The following L3MBTL4 variants were observed in gnomAD, a reference collection of about 807,000 sequenced individuals.
L3MBTL4 encodes the protein lethal(3)malignant brain tumor-like protein 4.
Under a neutral mutation model 84.5 loss-of-function variants are expected in L3MBTL4, and 70 were observed. The ratio of observed to expected loss-of-function variants is 0.83; its 90% CI spans 0.68 to 1.01. The LOEUF is 1.01. L3MBTL4 is among the 50% of genes least tolerant of loss of function. L3MBTL4 has a pLI of 0.00. For synonymous variants in L3MBTL4, 274 were observed against 259.8 expected (o/e 1.05, Z -0.52); for missense variants, 715 against 754.8 (o/e 0.95, Z 0.62).
intron 13 of L3MBTL4, among the ~76,000 whole-genome samples, chr18:6,166,795 A>G (rs2043684250): frequency 6.6e-6 from 1 of 152,210 alleles, no homozygotes; most frequent in Non-Finnish European, 1.5e-5. Flanking sequence ...AAACACATTC[A>G]AAAGCTAGCA....
At chr18:6,359,211 G>A (rs189065349) in intron 1 of L3MBTL4, among the ~76,000 whole-genome samples, 34 of 152,300 alleles carry the variant, frequency 2.2e-4, no homozygotes, top group African/African-American at 6.0e-4. Context: ...TGTAATCTCA[G>A]CACTTTGGGA....
chr18:6,094,306 T>C lies in L3MBTL4; in HGVS notation c.1200-778A>G, dbSNP rs1377467149. Among the ~76,000 whole-genome samples, 4 of 152,170 alleles carry C rather than the reference T, an allele frequency of 2.6e-5. No individual in the cohort carries two copies. The East Asian group carries it at 7.7e-4, about 29-fold the overall frequency. On this transcript the variant is annotated intron_variant, in intron 14 of 18. Transcript: ENST00000317931. Reference sequence around the variant, plus strand: ...GCCGCTGCTAGAAATGAGGTTGCTATACCAGGGAAGACACACCCAAGACAG... The same window carrying C: ...GCCGCTGCTAGAAATGAGGTTGCTACACCAGGGAAGACACACCCAAGACAG...
intron 5 of L3MBTL4, among the ~76,000 whole-genome samples, chr18:6,251,794 A>G (rs2047934248): frequency 6.6e-6 from 1 of 152,172 alleles, no homozygotes. Flanking sequence ...AAGTGTGAAA[A>G]CAGTGCCAAG....
chr18:5,977,734 G>A (rs1337364870), intron 16 of L3MBTL4, among the ~76,000 whole-genome samples: 1 of 152,094 alleles, frequency 6.6e-6, no homozygotes, highest in African/African-American at 2.4e-5. Context: ...CTATCTTTAG[G>A]GTTCTCTAGA....
At chr18:6,105,246 A>G (rs1022624011) in intron 14 of L3MBTL4, among the ~76,000 whole-genome samples, 2 of 133,406 alleles carry the variant, frequency 1.5e-5, no homozygotes, top group African/African-American at 2.9e-5. Flanking sequence ...GCTAGAGTGC[A>G]GTGGCATGAT....
At chr18:5,959,054 C>T (rs2095248945) in intron 18 of L3MBTL4, among the ~76,000 whole-genome samples, 1 of 152,178 alleles carries the variant, frequency 6.6e-6, no homozygotes, top group Non-Finnish European at 1.5e-5. Flanking sequence ...CAGACTGAGG[C>T]TATCTGACCT....
intron 12 of L3MBTL4, among the ~76,000 whole-genome samples, chr18:6,179,035 T>A (rs2044349397): frequency 1.1e-4 from 17 of 152,222 alleles, no homozygotes; most frequent in Admixed American, 1.1e-3. Context: ...ATTGTTCTTT[T>A]GGGCAATTGG....
chr18:6,057,440 A>G (rs1401305799), intron 16 of L3MBTL4, among the ~76,000 whole-genome samples: 1 of 152,204 alleles, frequency 6.6e-6, no homozygotes, highest in Non-Finnish European at 1.5e-5. Context: ...TCTCTTTCTA[A>G]AGGCAAATAA....
intron 9 of L3MBTL4, among the ~76,000 whole-genome samples, chr18:6,239,122 A>G (rs2047342002): frequency 6.6e-6 from 1 of 152,020 alleles, no homozygotes; most frequent in African/African-American, 2.4e-5. Flanking sequence ...CGGGCGGATC[A>G]CGAGGTCAGG....
At chr18:6,198,472 A>G (rs2145620304) in intron 12 of L3MBTL4, among the ~76,000 whole-genome samples, 1 of 152,290 alleles carries the variant, frequency 6.6e-6, no homozygotes, top group East Asian at 1.9e-4. Flanking sequence ...ATCTTGCACC[A>G]TAGTCCGATG....
At chr18:6,257,652 T>C (rs1230883925) in intron 5 of L3MBTL4, among the ~76,000 whole-genome samples, 14 of 149,610 alleles carry the variant, frequency 9.4e-5, no homozygotes, top group East Asian at 1.9e-4. Flanking sequence ...TTTCTTTTTT[T>C]TTTTTTTTTT....
At chr18:6,134,592 T>A (rs1193395219) in intron 14 of L3MBTL4, among the ~76,000 whole-genome samples, 2 of 151,944 alleles carry the variant, frequency 1.3e-5, no homozygotes, top group Non-Finnish European at 2.9e-5. Context: ...AACAAAGGGG[T>A]TACAGGGCCC....
intron 14 of L3MBTL4, among the ~76,000 whole-genome samples, chr18:6,099,674 TC>T (rs1214157278): frequency 7.0e-6 from 1 of 143,550 alleles, no homozygotes; most frequent in Non-Finnish European, 1.5e-5. Flanking sequence ...GGCTGTAAAA[TC>T]AGTTCACCTA....
At chr18:6,109,419 C>T (rs546486155) in intron 14 of L3MBTL4, among the ~76,000 whole-genome samples, 1 of 152,250 alleles carries the variant, frequency 6.6e-6, no homozygotes, top group Admixed American at 6.5e-5. Context: ...ATAATCAACT[C>T]CAAGTTCCTG....
At chr18:6,343,867 C>T (rs771364870) in intron 1 of L3MBTL4, among the ~76,000 whole-genome samples, 39 of 151,372 alleles carry the variant, frequency 2.6e-4, no homozygotes, top group Non-Finnish European at 4.7e-4. Context: ...AATATGGAAA[C>T]ATACAACATA....
chr18:6,394,619 AGCAATGCCTGACACAC>A (rs1227006518), intron 1 of L3MBTL4, among the ~76,000 whole-genome samples: 3 of 152,228 alleles, frequency 2.0e-5, no homozygotes, highest in Non-Finnish European at 4.4e-5. Context: ...AAACATCTAC[AGCAATGCCTGACACAC>A]GCCAGGCACC....
At chr18:6,264,090 T>C in intron 4 of L3MBTL4, 52 bp from the exon 5 acceptor site, 1 of 1,307,210 alleles carries the variant, frequency 7.6e-7, no homozygotes, top group South Asian at 1.2e-5. Context: ...GACAGGAAAA[T>C]AATAAAACTT....
chr18:6,331,348 G>T (rs576433467), intron 1 of L3MBTL4, among the ~76,000 whole-genome samples: 1 of 152,180 alleles, frequency 6.6e-6, no homozygotes, highest in Non-Finnish European at 1.5e-5. Flanking sequence ...AGAGATCCAA[G>T]CTTGTACTAA....
chr18:6,031,320 T>C, intron 16 of L3MBTL4: 1 of 985,424 alleles, frequency 1.0e-6, no homozygotes, highest in Non-Finnish European at 1.2e-6. Context: ...GGTTATAGGT[T>C]TTCTGGTTGC....
Sources: allele counts gnomAD v4.1 joint callset (sites outside exome capture counted in the v4.1 genomes callset), GRCh38; gene constraint gnomAD v4.1.1; transcripts MANE v1.5; gene names NCBI Gene and HGNC (gene_info 2026-07-23, HGNC 2026-07-21).